FRY: variants seen among roughly 807,000 people sequenced by gnomAD.
FRY encodes FRY microtubule binding protein, also known as protein furry homolog.
FRY carries 128 observed loss-of-function variants against 348.4 expected under a neutral mutation model. The ratio of observed to expected loss-of-function variants is 0.37; its 90% CI spans 0.32 to 0.43. The LOEUF is 0.43. Ranked by LOEUF, FRY falls within the 20% of genes least tolerant of loss-of-function variation. FRY has a pLI of 1.00. For synonymous variants in FRY, 1,370 were observed against 1,374.7 expected, an observed-to-expected ratio of 1.00 and a Z score of 0.08; for missense variants, 2,736 against 3,695.2, an observed-to-expected ratio of 0.74 and a Z score of 6.73.
Position 32,285,810 on chromosome 13 carries a change from G to A in FRY, c.8470-3823G>A, listed in dbSNP as rs145239279. Among the ~76,000 whole-genome samples, 1,318 of 152,184 alleles carry A rather than the reference G, an allele frequency of 8.7e-3. 16 individuals carry two copies. Among genetic ancestry groups the A allele is most frequent in the African/African-American group, 0.022 (905 of 41,496 alleles). On this transcript the variant is annotated intron_variant, in intron 58 of 60. Transcript: ENST00000542859. ...AAAGTCTTCGCACTGGAAATTCTGC[G>A]GCTATATAGACTTAAGACTCTCCCT...
Position 32,173,569 on chromosome 13 carries a change from AT to A in FRY, c.2334+25del. ...CCTGAGGTATGGATTAGTCTTCTGA[AT>A]TTTTCCATTTCTTACTTTCAACTCT... On this transcript the variant is annotated intron_variant, in intron 19 of 60. Transcript: ENST00000542859. 1 of 1,582,126 alleles carries A rather than the reference AT, an allele frequency of 6.3e-7. No individual in the cohort carries two copies. Among genetic ancestry groups the A allele is most frequent in the Non-Finnish European group, 8.7e-7 (1 of 1,152,370 alleles).
chr13:32,239,689 AT>A lies in FRY; in HGVS notation c.6517-20del. ...TATTCATTGGGCTATTTTATTCCTA[AT>A]TGATTTTTTTATTTTAAAAGGTTTG... On this transcript the variant is annotated intron_variant, in intron 45 of 60. Coordinates refer to ENST00000542859, the MANE Select transcript of FRY (RefSeq NM_023037.3). The surrounding 1 kb of genome is among the most constrained non-coding windows in gnomAD (Gnocchi z 4.3). 1 of 1,559,174 alleles carries A rather than the reference AT, an allele frequency of 6.4e-7. No individual in the cohort carries two copies. Among genetic ancestry groups the A allele is most frequent in the African/African-American group, 1.4e-5 (1 of 74,008 alleles).
chr13:32,071,306 A>G (rs1296138898), intron 1 of FRY, among the ~76,000 whole-genome samples: 1 of 152,170 alleles, frequency 6.6e-6, no homozygotes, highest in Admixed American at 6.5e-5. Flanking sequence ...CTTGTGCAGT[A>G]TGGCCATTTT....
Position 32,297,376 on chromosome 13 carries a change from T to A in FRY, c.*1916T>A, listed in dbSNP as rs898199302. 3 of 152,134 alleles carry A rather than the reference T, an allele frequency of 2.0e-5. No homozygotes were observed. Among genetic ancestry groups the A allele is most frequent in the Admixed American group, 1.3e-4 (2 of 15,270 alleles). 9.4% of individuals were successfully genotyped at this position (152,134 alleles called of 1,614,324 possible). ...TAAAGGTTTCTGTGGCTAACCACAG[T>A]AGACAACTTTCAGAGAGTTTTGTTG... On this transcript the variant is annotated 3_prime_UTR_variant, in exon 61 of 61. Transcript: ENST00000542859.
At chr13:32,227,039 A>C (rs1463557187) in intron 39 of FRY, among the ~76,000 whole-genome samples, 2 of 152,222 alleles carry the variant, frequency 1.3e-5, no homozygotes, top group Non-Finnish European at 2.9e-5. Context: ...GGCAGAGAAA[A>C]CTGTAATATC....
intron 58 of FRY, among the ~76,000 whole-genome samples, chr13:32,289,116 C>T (rs1410190418): frequency 6.6e-6 from 1 of 152,078 alleles, no homozygotes; most frequent in Non-Finnish European, 1.5e-5. Flanking sequence ...CCCTTTTTAT[C>T]TCTCTTTAAT....
chr13:32,275,876 A>G (rs1246447166), intron 56 of FRY, among the ~76,000 whole-genome samples: 1 of 149,872 alleles, frequency 6.7e-6, no homozygotes, highest in Non-Finnish European at 1.5e-5. Flanking sequence ...GTTGTGTGAT[A>G]CCTTTTTTTT....
chr13:32,138,036 A>G (rs1879829746), intron 11 of FRY, among the ~76,000 whole-genome samples: 1 of 152,216 alleles, frequency 6.6e-6, no homozygotes, highest in Non-Finnish European at 1.5e-5. Flanking sequence ...CAGTGGATAG[A>G]AAATTAAGCT....
intron 14 of FRY, among the ~76,000 whole-genome samples, chr13:32,154,977 T>G (rs1312915932): frequency 6.6e-6 from 1 of 152,226 alleles, no homozygotes; most frequent in Non-Finnish European, 1.5e-5. Flanking sequence ...TGGCATTGAA[T>G]TTTTAAAATT....
chr13:32,193,074 A>G lies in FRY; in HGVS notation c.3592-1069A>G, dbSNP rs139222796. ...TTACTTTCTGAGAAGAAAGTAACAT[A>G]TGTAACCTCTAGGCACCAGGCTTCT... On this transcript the variant is annotated intron_variant, in intron 28 of 60. Coordinates refer to ENST00000542859, the MANE Select transcript of FRY (RefSeq NM_023037.3). Among the ~76,000 whole-genome samples the G allele has an allele frequency of 8.0e-4, 122 of 151,646 alleles. No individual in the cohort carries two copies. The East Asian group carries it at 0.022, about 27-fold the overall frequency.
At chr13:32,059,896 C>A (rs1873844631) in intron 1 of FRY, among the ~76,000 whole-genome samples, 1 of 152,196 alleles carries the variant, frequency 6.6e-6, no homozygotes, top group African/African-American at 2.4e-5. Context: ...CAGAGGCATT[C>A]TAAACCCTGA....
rs1366948751 is a variant in FRY at position 32,187,641 on chromosome 13, T to A, written c.3576T>A (p.Ala1192=). The A allele has an allele frequency of 2.5e-6, 4 of 1,598,256 alleles. No homozygotes were observed. In the South Asian group the frequency reaches 4.4e-5, roughly 18 times the overall value. The change falls in exon 28 of 61, where the codon GCT becomes GCA. Residue 1192 remains alanine (A), a synonymous_variant. Transcript: ENST00000542859. The part of the protein sequence containing the change: ...YLYKWLDNIL[A]CQDLRVHQLG... The stretch of plus-strand genomic sequence containing the variant: ...ATAAATGGCTTGACAACATTCTGGC[T>A]TGTCAAGATTTACGAGTAAGTATAG...
At chr13:32,170,699 G>C (rs765732148) in intron 17 of FRY, among the ~76,000 whole-genome samples, 1 of 152,108 alleles carries the variant, frequency 6.6e-6, no homozygotes, top group Non-Finnish European at 1.5e-5. Context: ...ACCACACCTG[G>C]CTAATTTTTG....
At chr13:32,180,707 A>T (rs1005478282) in intron 23 of FRY, among the ~76,000 whole-genome samples, 3 of 152,226 alleles carry the variant, frequency 2.0e-5, no homozygotes, top group Admixed American at 2.0e-4. Flanking sequence ...TGATGACTTT[A>T]GATAAGCAAC....
intron 17 of FRY, among the ~76,000 whole-genome samples, chr13:32,162,082 A>C (rs1201826984): frequency 6.6e-6 from 1 of 152,228 alleles, no homozygotes; most frequent in Admixed American, 6.5e-5. Flanking sequence ...ATAGTTTACA[A>C]ACCCAATGAT....
In FRY at chr13:32,274,855, G is replaced by T; in HGVS notation, c.8150G>T (p.Arg2717Met). The change falls in exon 56 of 61, where the codon AGG becomes ATG. Residue 2717 changes from arginine (R) to methionine (M), a missense_variant. Coordinates refer to ENST00000542859, the MANE Select transcript of FRY (RefSeq NM_023037.3). ...FSSLFKNIQK[R>M]FCFLTCDAAS... Reference sequence around the variant, plus strand: ...TTTGCCTTGCAGAATATTCAGAAAAGGTTCTGCTTCCTAACCTGTGATGCA... The same window carrying T: ...TTTGCCTTGCAGAATATTCAGAAAATGTTCTGCTTCCTAACCTGTGATGCA... 1 of 1,613,420 alleles carries T rather than the reference G, an allele frequency of 6.2e-7. No homozygotes were observed. Among genetic ancestry groups the T allele is most frequent in the Non-Finnish European group, 8.5e-7 (1 of 1,179,460 alleles).
chr13:32,145,571 T>C, intron 11 of FRY, among the ~76,000 whole-genome samples: 1 of 139,788 alleles, frequency 7.2e-6, no homozygotes, highest in Non-Finnish European at 1.5e-5. Flanking sequence ...GGAGTCTCGC[T>C]CTGTCGCCCA....
intron 23 of FRY, 110 bp downstream of exon 23, chr13:32,179,909 T>C (rs1014933232): frequency 3.6e-6 from 4 of 1,111,346 alleles, no homozygotes; most frequent in Non-Finnish European, 5.5e-6. Flanking sequence ...AGAGAGTTTA[T>C]AGGCTTTGTG....
intron 17 of FRY, among the ~76,000 whole-genome samples, chr13:32,163,270 C>T (rs1427513733): frequency 6.6e-6 from 1 of 152,184 alleles, no homozygotes; most frequent in Non-Finnish European, 1.5e-5. Context: ...CAAAGACGGC[C>T]ACCATCTAAC....
Sources: allele counts gnomAD v4.1 joint callset (sites outside exome capture counted in the v4.1 genomes callset), GRCh38; gene constraint gnomAD v4.1.1; non-coding constraint Gnocchi (gnomAD v3.1); transcripts MANE v1.5; gene names NCBI Gene and HGNC (gene_info 2026-07-23, HGNC 2026-07-21).